GNA11: variants seen among roughly 807,000 people sequenced by gnomAD.
GNA11 encodes guanine nucleotide-binding protein subunit alpha-11.
Under a neutral mutation model 38.2 loss-of-function variants are expected in GNA11, and 8 were observed. The ratio of observed to expected loss-of-function variants is 0.21; its 90% confidence interval spans 0.12 to 0.38. The LOEUF is 0.38. GNA11 is among the 10% of genes least tolerant of loss of function. The probability of loss-of-function intolerance (pLI) is 1.00; values close to 1 mark genes in which losing one functional copy is unlikely to be tolerated. For synonymous variants in GNA11, 211 were observed against 221.4 expected (o/e 0.95, Z 0.42); for missense variants, 268 against 516.3 (o/e 0.52, Z 4.66).
At chr19:3,101,352 G>T (rs555895555) in intron 1 of GNA11, among the ~76,000 whole-genome samples, 1 of 152,104 alleles carries the variant, frequency 6.6e-6, no homozygotes, top group African/African-American at 2.4e-5. Context: ...TGGGATGAGT[G>T]CAGCCCCCAC....
At position 3,114,866 on chromosome 19, in the gene GNA11, C is replaced by T. The variant is rs3746069; in HGVS notation, c.477-78C>T. 0.19 allele frequency: 263,292 copies of T among 1,416,772 alleles called. 25,904 individuals carry two copies. Among genetic ancestry groups the T allele is most frequent in the East Asian group, 0.27 (11,894 of 43,278 alleles). The allele number at this position is 1,416,772 out of a possible 1,614,324, so 87.8% of individuals were successfully genotyped here. ...CCCTCCTGGTGGCTTTCCGTCCTCC[C>T]GCTGGTTTGGGTGCTGTGTCCCTGT... On this transcript the variant is annotated intron_variant, in intron 3 of 6. Transcript: ENST00000078429.
intron 1 of GNA11, among the ~76,000 whole-genome samples, chr19:3,104,776 C>T (rs1025486115): frequency 6.6e-6 from 1 of 152,190 alleles, no homozygotes; most frequent in Non-Finnish European, 1.5e-5. Flanking sequence ...CGGGCACTGC[C>T]ACACCTCACT....
intron 2 of GNA11, among the ~76,000 whole-genome samples, chr19:3,111,737 G>A (rs561566027): frequency 1.1e-4 from 16 of 152,350 alleles, no homozygotes; most frequent in South Asian, 2.1e-4. Context: ...TCTGAGAAGC[G>A]TCCAGAGAGT....
Position 3,094,913 on chromosome 19 carries a change from C to G in GNA11, c.136+126C>G. 1.7e-6 allele frequency: 1 copy of G among 598,388 alleles called. No homozygotes were observed. Among genetic ancestry groups the G allele is most frequent in the Non-Finnish European group, 2.6e-6 (1 of 380,880 alleles). The allele number at this position is 598,388 out of a possible 1,614,324, so 37.1% of individuals were successfully genotyped here. On this transcript the variant is annotated intron_variant, in intron 1 of 6. Transcript: ENST00000078429. The surrounding 1 kb of genome is among the most constrained non-coding windows in gnomAD (Gnocchi z 6.0). Reference sequence around the variant, plus strand: ...TGTGCCGTCCGGGTCGCGAGACCCTCCGGGGTCAGCCCTGCCTGTGCCTTC... The same window carrying G: ...TGTGCCGTCCGGGTCGCGAGACCCTGCGGGGTCAGCCCTGCCTGTGCCTTC...
Position 3,105,810 on chromosome 19 carries a change from T to C in GNA11, c.137-4339T>C, listed in dbSNP as rs562960870. Among the ~76,000 whole-genome samples the C allele has an allele frequency of 2.5e-3, 388 of 152,300 alleles. 1 individual carries two copies. Among genetic ancestry groups the C allele is most frequent in the African/African-American group, 9.0e-3 (376 of 41,562 alleles). ...GCTGAAGGGTCTCTGGAGCTTTGGCTTTTTGGCTTTTACGAGTAAAGCTGC... is the reference window on the plus strand; with the variant it reads ...GCTGAAGGGTCTCTGGAGCTTTGGCCTTTTGGCTTTTACGAGTAAAGCTGC... On this transcript the variant is annotated intron_variant, in intron 1 of 6. Transcript: ENST00000078429.
At chr19:3,100,917 C>A (rs1913486815) in intron 1 of GNA11, among the ~76,000 whole-genome samples, 1 of 152,204 alleles carries the variant, frequency 6.6e-6, no homozygotes, top group South Asian at 2.1e-4. Context: ...TTCCTGCTGG[C>A]TGCTTTGCAC....
In GNA11 at chr19:3,119,975, C is replaced by T. The variant is rs1009389281; in HGVS notation, c.889+616C>T. On this transcript the variant is annotated intron_variant, in intron 6 of 6. Coordinates refer to ENST00000078429, the MANE Select transcript of GNA11 (RefSeq NM_002067.5). The surrounding 1 kb of genome is among the most constrained non-coding windows in gnomAD (Gnocchi z 4.6). ...CAGCCCTCTCTGGGCCTGGGGATGG[C>T]GGCCAGGGGAGGGTGTTGTGTGCCC... Among the ~76,000 whole-genome samples, 6 of 151,964 alleles carry T rather than the reference C, an allele frequency of 3.9e-5. No individual in the cohort carries two copies. Among genetic ancestry groups the T allele is most frequent in the Non-Finnish European group, 8.8e-5 (6 of 67,958 alleles).
At position 3,122,461 on chromosome 19, in the gene GNA11, G is replaced by A. The variant is rs899891596; in HGVS notation, c.*1282G>A. The A allele has an allele frequency of 8.6e-5, 20 of 231,402 alleles. 1 individual carries two copies. The highest frequency in any genetic ancestry group is 8.5e-4 in the East Asian group (14 of 16,470). The allele number at this position is 231,402 out of a possible 1,614,324, so 14.3% of individuals were successfully genotyped here. On this transcript the variant is annotated 3_prime_UTR_variant, in exon 7 of 7. Transcript: ENST00000078429. The surrounding 1 kb of genome is among the most constrained non-coding windows in gnomAD (Gnocchi z 7.7). ...GAGGGGGAGCCCGCCAGGCCACGCCGCACTGAGCCACAGCCCCGGGGGCCG... is the reference window on the plus strand; with the variant it reads ...GAGGGGGAGCCCGCCAGGCCACGCCACACTGAGCCACAGCCCCGGGGGCCG...
rs1045338559 is a variant in GNA11, at chr19:3,120,823, T to C, written c.890-166T>C. Among the ~76,000 whole-genome samples, 1 of 151,894 alleles carries C rather than the reference T, an allele frequency of 6.6e-6. No individual in the cohort carries two copies. Among genetic ancestry groups the C allele is most frequent in the Non-Finnish European group, 1.5e-5 (1 of 67,912 alleles). ...AGTGGGATTGGCACCGCAGCTCACC[T>C]GGGGAGGGAGGGGAGCTGCGGCCCG... On this transcript the variant is annotated intron_variant, in intron 6 of 6. Coordinates refer to ENST00000078429, the MANE Select transcript of GNA11 (RefSeq NM_002067.5). This position sits in a 1 kb window ranked among gnomAD's most constrained non-coding sequence, Gnocchi z 5.9.
intron 1 of GNA11, among the ~76,000 whole-genome samples, chr19:3,096,637 G>T (rs138201781): frequency 6.6e-6 from 1 of 152,246 alleles, no homozygotes; most frequent in Non-Finnish European, 1.5e-5. Flanking sequence ...GGCCCTTCCC[G>T]CATCCTCTGT....
intron 1 of GNA11, among the ~76,000 whole-genome samples, chr19:3,096,342 C>T (rs527315523): frequency 1.3e-5 from 2 of 152,296 alleles, no homozygotes; most frequent in South Asian, 2.1e-4. Flanking sequence ...CAGTGCGGCC[C>T]GCGTGGTGGC....
chr19:3,101,638 AG>A (rs199911089), intron 1 of GNA11, among the ~76,000 whole-genome samples: 1,572 of 152,212 alleles, frequency 0.01, 21 homozygotes, highest in Non-Finnish European at 0.014. Flanking sequence ...TGAGCTGGGC[AG>A]GGGCGGGGGT....
Position 3,094,927 on chromosome 19 carries a change from G to A in GNA11, c.136+140G>A, listed in dbSNP as rs1422638619. 5.5e-6 allele frequency: 3 copies of A among 547,078 alleles called. No homozygotes were observed. Among genetic ancestry groups the A allele is most frequent in the Non-Finnish European group, 9.0e-6 (3 of 332,482 alleles). The allele number at this position is 547,078 out of a possible 1,614,324, so 33.9% of individuals were successfully genotyped here. A position where few individuals can be genotyped will look rare whatever the true frequency, so the allele number is the denominator to read the frequency against. ...CGCGAGACCCTCCGGGGTCAGCCCT[G>A]CCTGTGCCTTCCCTGCCTGTCCGGG... On this transcript the variant is annotated intron_variant, in intron 1 of 6. Transcript: ENST00000078429. This position sits in a 1 kb window ranked among gnomAD's most constrained non-coding sequence, Gnocchi z 6.0.
At position 3,121,233 on chromosome 19, in the gene GNA11, CG is replaced by C. The variant is rs1245753072; in HGVS notation, c.*56del. 5.4e-5 allele frequency: 76 copies of C among 1,417,182 alleles called. No homozygotes were observed. Among genetic ancestry groups the C allele is most frequent in the Admixed American group, 4.6e-4 (24 of 52,028 alleles). 87.8% of individuals were successfully genotyped at this position (1,417,182 alleles called of 1,614,324 possible). On this transcript the variant is annotated 3_prime_UTR_variant, in exon 7 of 7. Coordinates refer to ENST00000078429, the MANE Select transcript of GNA11 (RefSeq NM_002067.5). ...GACACGGGGCAGGACCTTCCTTCCA[CG>C]GAGCCTGCGGCTGCCGGGCGGGTGG...
chr19:3,119,288 T>C lies in GNA11; in HGVS notation c.818T>C (p.Leu273Pro). ...CAGAACTCCTCCGTCATCCTCTTCC[T>C]CAACAAGAAGGACCTGCTGGAGGAC... Reference protein sequence around the residue: ...WFQNSSVILFLNKKDLLEDKI... With the variant: ...WFQNSSVILFPNKKDLLEDKI... The change falls in exon 6 of 7, where the codon CTC becomes CCC. Residue 273 changes from leucine to proline, a missense_variant. Around this residue, in one of 3 missense-constraint regions of GNA11, gnomAD observed 92 missense variants for 166.7 expected, o/e 0.55. Coordinates refer to ENST00000078429, the MANE Select transcript of GNA11 (RefSeq NM_002067.5). This position sits in a 1 kb window ranked among gnomAD's most constrained non-coding sequence, Gnocchi z 4.6. 1 of 1,613,814 alleles carries C rather than the reference T, an allele frequency of 6.2e-7. No individual in the cohort carries two copies. The highest frequency in any genetic ancestry group is 8.5e-7 in the Non-Finnish European group (1 of 1,179,866).
At chr19:3,113,593 CG>C in intron 3 of GNA11, 109 bp downstream of exon 3, 2 of 827,988 alleles carry the variant, frequency 2.4e-6, no homozygotes, top group Non-Finnish European at 3.6e-6. Flanking sequence ...GCCTGCTCGC[CG>C]GGGGCAGGGA....
At chr19:3,101,790 C>T (rs767047146) in intron 1 of GNA11, among the ~76,000 whole-genome samples, 5 of 152,100 alleles carry the variant, frequency 3.3e-5, no homozygotes, top group African/African-American at 7.2e-5. Flanking sequence ...CGTGAGGAGA[C>T]GGGAGCTTAG....
At chr19:3,116,946 C>T (rs919218997) in intron 4 of GNA11, among the ~76,000 whole-genome samples, 11 of 152,148 alleles carry the variant, frequency 7.2e-5, no homozygotes, top group African/African-American at 2.2e-4. Flanking sequence ...TTCTCCCCAC[C>T]CGTCCTCCCA....
At position 3,120,594 on chromosome 19, in the gene GNA11, C is replaced by T. The variant is rs1231285980; in HGVS notation, c.890-395C>T. ...GTGGGTGGGGGCCACTGTTCCTGCTCTGTAGGCTCTGTGCCCAGCCCTGGG... is the reference window on the plus strand; with the variant it reads ...GTGGGTGGGGGCCACTGTTCCTGCTTTGTAGGCTCTGTGCCCAGCCCTGGG... On this transcript the variant is annotated intron_variant, in intron 6 of 6. Coordinates refer to ENST00000078429, the MANE Select transcript of GNA11 (RefSeq NM_002067.5). The surrounding 1 kb of genome is among the most constrained non-coding windows in gnomAD (Gnocchi z 5.9). 6.6e-6 allele frequency among the ~76,000 whole-genome samples: 1 copy of T among 152,148 alleles called. No homozygotes were observed. Among genetic ancestry groups the T allele is most frequent in the Non-Finnish European group, 1.5e-5 (1 of 68,006 alleles).
Sources: gnomAD v4.1 joint callset for allele counts (sites outside exome capture counted in the v4.1 genomes callset) on GRCh38, gnomAD v4.1.1 for gene constraint, gnomAD v4.1.1 regional missense constraint, Gnocchi (gnomAD v3.1) non-coding constraint, MANE v1.5 for transcripts, NCBI Gene and HGNC (gene_info 2026-07-23, HGNC 2026-07-21) for gene names.